CRTAC1: variants seen among roughly 807,000 people sequenced by gnomAD.
CRTAC1 encodes the protein acidic secreted protein in cartilage.
In CRTAC1, 37 loss-of-function variants were observed where a neutral mutation model predicts 67.8. The observed-to-expected ratio is 0.55, with a 90% confidence interval of 0.42 to 0.72. The LOEUF is 0.72. CRTAC1 is among the 30% of genes least tolerant of loss of function. The probability of loss-of-function intolerance (pLI) is 0.00; values close to 1 mark genes in which losing one functional copy is unlikely to be tolerated. For missense variants in CRTAC1, 780 were observed against 931.6 expected, an observed-to-expected ratio of 0.84 and a Z score of 2.12; for synonymous variants, 348 against 371.0, an observed-to-expected ratio of 0.94 and a Z score of 0.71.
At chr10:97,896,835 C>T (rs986551039) in intron 9 of CRTAC1, 74 bp downstream of exon 9, 4 of 577,042 alleles carry the variant, frequency 6.9e-6, no homozygotes, top group East Asian at 3.3e-5. Flanking sequence ...CTGCCCCGTC[C>T]CTCCCGCCCT....
chr10:97,918,089 C>A (rs569689605), intron 4 of CRTAC1, among the ~76,000 whole-genome samples: 1 of 152,280 alleles, frequency 6.6e-6, no homozygotes, highest in Admixed American at 6.5e-5. Context: ...AAGCTCACTC[C>A]AGCCAAGATG....
At chr10:97,897,633 G>A (rs969950687) in intron 8 of CRTAC1, among the ~76,000 whole-genome samples, 1 of 152,228 alleles carries the variant, frequency 6.6e-6, no homozygotes, top group Non-Finnish European at 1.5e-5. Flanking sequence ...AGAGAGGAAA[G>A]GGGTCCCTTT....
intron 2 of CRTAC1, among the ~76,000 whole-genome samples, 170 bp from the exon 3 acceptor site, chr10:97,936,536 G>C (rs1214114515): frequency 6.6e-6 from 1 of 152,216 alleles, no homozygotes; most frequent in Non-Finnish European, 1.5e-5. Context: ...CCTGAGTGTT[G>C]GATGAGTGTC....
At chr10:97,890,822 C>T (rs1331984572) in intron 11 of CRTAC1, among the ~76,000 whole-genome samples, 1 of 152,118 alleles carries the variant, frequency 6.6e-6, no homozygotes, top group East Asian at 1.9e-4. Flanking sequence ...CATGCACCAC[C>T]ACGCCCAGCT....
chr10:97,930,069 C>T lies in CRTAC1; in HGVS notation c.421+6101G>A, dbSNP rs143815390. Among the ~76,000 whole-genome samples the T allele has an allele frequency of 8.8e-4, 134 of 152,346 alleles. 1 individual carries two copies. In the East Asian group the frequency reaches 0.019, roughly 22 times the overall value. On this transcript the variant is annotated intron_variant, in intron 3 of 14. Transcript: ENST00000370597. ...CTCCCGCCAGGCACTTTGCCCACATCAGCTCCTTCAGTGCTCTCTGTAGCA... is the reference window on the plus strand; with the variant it reads ...CTCCCGCCAGGCACTTTGCCCACATTAGCTCCTTCAGTGCTCTCTGTAGCA...
chr10:97,974,690 G>T (rs932010038), intron 2 of CRTAC1, among the ~76,000 whole-genome samples: 1 of 151,960 alleles, frequency 6.6e-6, no homozygotes, highest in East Asian at 1.9e-4. Flanking sequence ...CTGCCCCTCC[G>T]CTCGGGGTCA....
chr10:97,920,629 T>C (rs2050823076), intron 4 of CRTAC1, among the ~76,000 whole-genome samples: 1 of 152,184 alleles, frequency 6.6e-6, no homozygotes, highest in African/African-American at 2.4e-5. Flanking sequence ...GGAACCACAC[T>C]TTTGAGAACC....
At chr10:98,011,381 AAAGCAATCCCGG>A in intron 1 of CRTAC1, 44 bp from the exon 2 acceptor site, 1 of 1,609,424 alleles carries the variant, frequency 6.2e-7, no homozygotes, top group Non-Finnish European at 8.5e-7. Flanking sequence ...ACCTGTAACC[AAAGCAATCCCGG>A]AACATTAAAG....
intron 14 of CRTAC1, among the ~76,000 whole-genome samples, chr10:97,876,551 C>A (rs1327194433): frequency 2.0e-5 from 3 of 152,096 alleles, no homozygotes; most frequent in Non-Finnish European, 2.9e-5. Context: ...GTTGTGGCTG[C>A]CTGGTGCAGG....
intron 2 of CRTAC1, among the ~76,000 whole-genome samples, chr10:97,981,143 A>T (rs2051885084): frequency 6.6e-6 from 1 of 152,204 alleles, no homozygotes; most frequent in Non-Finnish European, 1.5e-5. Context: ...AAGATCTGAA[A>T]TGCTGAAAAA....
At chr10:97,976,669 CA>C (rs1360825857) in intron 2 of CRTAC1, among the ~76,000 whole-genome samples, 6 of 152,242 alleles carry the variant, frequency 3.9e-5, no homozygotes, top group African/African-American at 1.4e-4. Context: ...ACTGCTTCCA[CA>C]AAATTGTTCC....
At chr10:97,976,498 G>T (rs1434075766) in intron 2 of CRTAC1, among the ~76,000 whole-genome samples, 1 of 152,156 alleles carries the variant, frequency 6.6e-6, no homozygotes, top group African/African-American at 2.4e-5. Flanking sequence ...AACCTCATGG[G>T]GTTAAAGAGA....
intron 1 of CRTAC1, among the ~76,000 whole-genome samples, chr10:98,022,610 G>C (rs750396020): frequency 1.3e-5 from 2 of 151,950 alleles, no homozygotes; most frequent in African/African-American, 2.4e-5. Flanking sequence ...CTGGGATATG[G>C]GGTGGAGGGG....
In CRTAC1 at chr10:97,949,256, G is replaced by A. The variant is rs150694284; in HGVS notation, c.225-12890C>T. On this transcript the variant is annotated intron_variant, in intron 2 of 14. Transcript: ENST00000370597. ...AGGATCAGCCACCTCAGAGGGGGAT[G>A]TCAGGCCAACTCAAGGAATGTGAGC... 1.2e-3 allele frequency among the ~76,000 whole-genome samples: 181 copies of A among 152,350 alleles called. 1 individual carries two copies. Among genetic ancestry groups the A allele is most frequent in the African/African-American group, 4.1e-3 (170 of 41,580 alleles).
rs71488844 is a variant in CRTAC1 at position 97,913,114 on chromosome 10, C to CAGAGAGAGAG, written c.715+4376_715+4385dup. ...TGGAAACGTGGTGCAGGAATGGGCA[C>CAGAGAGAGAG]AGAGAGAGAGAGAGAGAGAGAGTGT... On this transcript the variant is annotated intron_variant, in intron 5 of 14. Transcript: ENST00000370597. 4.7e-5 allele frequency among the ~76,000 whole-genome samples: 7 copies of CAGAGAGAGAG among 149,406 alleles called. No homozygotes were observed. In the South Asian group the frequency reaches 6.4e-4, roughly 14 times the overall value.
intron 11 of CRTAC1, among the ~76,000 whole-genome samples, chr10:97,893,198 A>G (rs1274786147): frequency 6.6e-6 from 1 of 152,230 alleles, no homozygotes; most frequent in Non-Finnish European, 1.5e-5. Flanking sequence ...GAGTTACTAT[A>G]TTAATCCAGC....
chr10:97,891,267 C>G (rs2050368121), intron 11 of CRTAC1, among the ~76,000 whole-genome samples: 1 of 152,162 alleles, frequency 6.6e-6, no homozygotes, highest in South Asian at 2.1e-4. Context: ...TTCCTATAAT[C>G]AATATACATT....
chr10:97,963,535 A>G (rs2136644814), intron 2 of CRTAC1, among the ~76,000 whole-genome samples: 1 of 152,208 alleles, frequency 6.6e-6, no homozygotes, highest in East Asian at 1.9e-4. Context: ...CACCAGCTTC[A>G]GGGCCTGGCA....
chr10:98,028,780 T>C (rs572181143), intron 1 of CRTAC1, among the ~76,000 whole-genome samples: 5 of 152,252 alleles, frequency 3.3e-5, no homozygotes, highest in African/African-American at 9.6e-5. Context: ...GGTTGGGATA[T>C]AGATTGATAG....
Sources: allele counts gnomAD v4.1 joint callset (sites outside exome capture counted in the v4.1 genomes callset), GRCh38; gene constraint gnomAD v4.1.1; transcripts MANE v1.5; gene names NCBI Gene and HGNC (gene_info 2026-07-23, HGNC 2026-07-21).